Variants in MGAM observed in about 807,000 individuals in gnomAD.
The protein encoded by MGAM is maltase-glucoamylase.
A neutral mutation model predicts 358.8 loss-of-function variants in MGAM; 253 were observed. The ratio of observed to expected loss-of-function variants is 0.71; its 90% CI spans 0.64 to 0.78. The LOEUF (loss-of-function observed/expected upper bound fraction) is 0.78. Among genes scored for constraint, MGAM ranks in the 30% least tolerant of loss-of-function variants. The pLI is 0.00. For synonymous variants in MGAM, 1,105 were observed against 1,227.1 expected (o/e 0.90, Z 2.08); for missense variants, 3,080 against 3,432.6 (o/e 0.90, Z 2.57).
chr7:142,008,924 T>G (rs1331126402), intron 3 of MGAM, among the ~76,000 whole-genome samples: 15 of 152,148 alleles, frequency 9.9e-5, no homozygotes, highest in Admixed American at 9.8e-4. Flanking sequence ...GTTGCCAGAT[T>G]CAGCAAATAA....
chr7:142,002,938 A>G lies in MGAM; in HGVS notation c.-2-2591A>G, dbSNP rs139051030. Among the ~76,000 whole-genome samples, 21 of 151,934 alleles carry G rather than the reference A, an allele frequency of 1.4e-4. No homozygotes were observed. In the East Asian group the frequency reaches 4.1e-3, roughly 29 times the overall value. ...GTAGCATTTCCATACACCAGTAACA[A>G]TCAGGCTGAGAACCAAATCAAGAAC... is the stretch of plus-strand genomic sequence containing the variant. On this transcript the variant is annotated intron_variant, in intron 1 of 70. Transcript: ENST00000475668.
chr7:142,047,165 C>T (rs2129027524), intron 21 of MGAM, among the ~76,000 whole-genome samples: 1 of 152,226 alleles, frequency 6.6e-6, no homozygotes, highest in African/African-American at 2.4e-5. Context: ...ATAAAAATTT[C>T]TCTCTTCTCC....
At chr7:142,076,531 G>C in intron 46 of MGAM, 128 bp from the exon 47 acceptor site, 1 of 950,020 alleles carries the variant, frequency 1.1e-6, no homozygotes, top group Non-Finnish European at 1.7e-6. Flanking sequence ...GCAGACACTA[G>C]TAGAGAAAGC....
rs1490301525 is a variant in MGAM at position 142,079,222 on chromosome 7, T to G, written c.5847+214T>G. On this transcript the variant is annotated intron_variant, in intron 49 of 70. Coordinates refer to ENST00000475668, the MANE Select transcript of MGAM (RefSeq NM_001365693.1). The stretch of plus-strand genomic sequence containing the variant: ...CTGTGGCTACTGTTAGGAAAATGGT[T>G]GGGAGAGCAAGAGTGGGTACGGAGA... Among the ~76,000 whole-genome samples the G allele has an allele frequency of 2.1e-5, 3 of 145,612 alleles. 1 individual carries two copies. Among genetic ancestry groups the G allele is most frequent in the Non-Finnish European group, 4.7e-5 (3 of 64,390 alleles).
intron 21 of MGAM, among the ~76,000 whole-genome samples, chr7:142,045,297 ATATAT>A (rs1337693585): frequency 3.6e-5 from 4 of 111,458 alleles, no homozygotes; most frequent in Admixed American, 1.1e-4. Flanking sequence ...GATATATAAT[ATATAT>A]TATATGTACC....
intron 64 of MGAM, 150 bp downstream of exon 64, chr7:142,095,863 G>A: frequency 8.2e-7 from 1 of 1,212,840 alleles, no homozygotes; most frequent in South Asian, 1.5e-5. Context: ...CTTTAGCACA[G>A]TGCTATACAT....
chr7:142,057,560 G>T (rs1585027530), intron 30 of MGAM, among the ~76,000 whole-genome samples: 2 of 147,112 alleles, frequency 1.4e-5, no homozygotes, highest in South Asian at 4.4e-4. Flanking sequence ...TGGTAGTGGG[G>T]GGTGGTGGTG....
At chr7:141,988,059 G>A (rs143425547) in intron 2 of MGAM, among the ~76,000 whole-genome samples, 6,794 of 152,150 alleles carry the variant, frequency 0.045, 185 homozygotes, top group Middle Eastern at 0.082. Context: ...AGGCCAAGGT[G>A]GGTGGATCAC....
intron 16 of MGAM, among the ~76,000 whole-genome samples, chr7:142,035,334 C>T (rs980450964): frequency 1.3e-5 from 2 of 152,154 alleles, no homozygotes; most frequent in African/African-American, 4.8e-5. Flanking sequence ...TGTACCTTCT[C>T]TTTGCCCCAA....
chr7:141,986,933 C>T (rs1315115408), intron 2 of MGAM, among the ~76,000 whole-genome samples: 3 of 152,160 alleles, frequency 2.0e-5, no homozygotes, highest in Non-Finnish European at 4.4e-5. Context: ...AGGTCCTACA[C>T]TTGCAGGTGG....
At chr7:142,058,349 C>G in intron 31 of MGAM, 21 bp downstream of exon 31, 2 of 1,613,268 alleles carry the variant, frequency 1.2e-6, no homozygotes, top group Non-Finnish European at 1.7e-6. Context: ...AGTCATGGCT[C>G]TGGAGTTTCA....
intron 57 of MGAM, among the ~76,000 whole-genome samples, chr7:142,087,303 G>T (rs1266591793): frequency 6.9e-6 from 1 of 145,590 alleles, no homozygotes; most frequent in African/African-American, 2.4e-5. Flanking sequence ...TCTGGGGATG[G>T]TTTGTTGCTT....
chr7:142,004,342 C>T (rs1225467343), intron 1 of MGAM: 1 of 151,962 alleles, frequency 6.6e-6, no homozygotes, highest in Non-Finnish European at 1.5e-5. Context: ...ACCTATATGC[C>T]ATGGAATACT....
rs375312122 is a variant in MGAM, at chr7:142,052,897, C to T, written c.3072C>T (p.Ser1024=). 2.2e-5 allele frequency: 36 copies of T among 1,613,698 alleles called. No homozygotes were observed. The highest frequency in any genetic ancestry group is 1.7e-4 in the Admixed American group (10 of 59,984). ...CAGCTGACATCTCCTTAAAGTCTTC[C>T]GTTTATGCCAATGCCTTCCCCTCCA... ...GATADISLKS[S]VYANAFPSTP... The change falls in exon 26 of 71, where the codon TCC becomes TCT. Residue 1024 remains serine, a synonymous_variant. Transcript: ENST00000475668.
chr7:142,092,003 C>A lies in MGAM; in HGVS notation c.6901C>A (p.Pro2301Thr). 6.5e-7 allele frequency: 1 copy of A among 1,534,524 alleles called. No homozygotes were observed. Among genetic ancestry groups the A allele is most frequent in the Non-Finnish European group, 8.9e-7 (1 of 1,120,296 alleles). ...KREIEELYNN[P>T]QNPERSLKFD... ...GGAAATAGAAGAACTATACAACAATCCACAGAATCCAGAGAGGAGCTTGAA... is the reference window on the plus strand; with the variant it reads ...GGAAATAGAAGAACTATACAACAATACACAGAATCCAGAGAGGAGCTTGAA... The change falls in exon 58 of 71, where the codon CCA becomes ACA. Residue 2301 changes from proline to threonine, a missense_variant. Pro to Thr is a conservative substitution (Grantham distance 38). Coordinates refer to ENST00000475668, the MANE Select transcript of MGAM (RefSeq NM_001365693.1).
intron 34 of MGAM, among the ~76,000 whole-genome samples, chr7:142,062,072 A>G (rs1812256349): frequency 6.6e-6 from 1 of 152,172 alleles, no homozygotes; most frequent in Non-Finnish European, 1.5e-5. Context: ...TGATTCTGAA[A>G]TCGTAGAAAA....
intron 1 of MGAM, among the ~76,000 whole-genome samples, chr7:142,002,972 A>G (rs558461899): frequency 8.3e-6 from 1 of 120,004 alleles, no homozygotes; most frequent in Non-Finnish European, 1.8e-5. Flanking sequence ...ACTCAATCCC[A>G]TTTACAATAA....
At chr7:141,992,320 C>T (rs1006573779), upstream of MGAM, among the ~76,000 whole-genome samples, 1 of 152,292 alleles carries the variant, frequency 6.6e-6, no homozygotes. Context: ...CTGGGCTTTG[C>T]AATTCAGGCC....
rs1805080737 is a variant in MGAM, at chr7:142,005,528, G to C, written c.-2-1G>C. On this transcript the variant is annotated splice_acceptor_variant, in intron 1 of 70. Coordinates refer to ENST00000475668, the MANE Select transcript of MGAM (RefSeq NM_001365693.1). LOFTEE classifies it low-confidence loss of function (5UTR_SPLICE). ...TAAAATTGTTTTCTCTTACATTTTA[G>C]AGATGGCAAGAAAGAAGCTGAAAAA... 2.0e-6 allele frequency: 3 copies of C among 1,527,470 alleles called. No individual in the cohort carries two copies. Among genetic ancestry groups the C allele is most frequent in the South Asian group, 1.3e-5 (1 of 78,528 alleles). The allele number at this position is 1,527,470 out of a possible 1,614,324, so 94.6% of individuals were successfully genotyped here. A position where few individuals can be genotyped will look rare whatever the true frequency, so the allele number is the denominator to read the frequency against.
Sources: gnomAD v4.1 joint callset for allele counts (sites outside exome capture counted in the v4.1 genomes callset) on GRCh38, gnomAD v4.1.1 for gene constraint, MANE v1.5 for transcripts, NCBI Gene and HGNC (gene_info 2026-07-23, HGNC 2026-07-21) for gene names.